Variants in SRGAP3 observed in about 807,000 individuals in gnomAD.
SRGAP3 encodes SLIT-ROBO Rho GTPase activating protein 3.
SRGAP3 carries 39 observed loss-of-function variants against 121.1 expected under a neutral mutation model. That is an observed-to-expected ratio of 0.32 (90% CI 0.25 to 0.42). SRGAP3 has a LOEUF of 0.42. SRGAP3 is among the 10% of genes least tolerant of loss of function. The probability of loss-of-function intolerance (pLI) is 1.00; values close to 1 mark genes in which losing one functional copy is unlikely to be tolerated. For missense variants in SRGAP3, 1,213 were observed against 1,470.6 expected, an observed-to-expected ratio of 0.82 and a Z score of 2.86; for synonymous variants, 601 against 570.0, an observed-to-expected ratio of 1.05 and a Z score of -0.77.
chr3:9,096,449 T>C (rs574659101), intron 3 of SRGAP3, among the ~76,000 whole-genome samples: 1 of 152,318 alleles, frequency 6.6e-6, no homozygotes, highest in East Asian at 1.9e-4. Context: ...TGTATATTAA[T>C]CTTTAAGCAG....
chr3:8,992,581 A>G (rs1942121061), intron 20 of SRGAP3: 1 of 457,756 alleles, frequency 2.2e-6, no homozygotes, highest in Non-Finnish European at 4.0e-6. Context: ...GAAAGCTGGA[A>G]GGAGGTGCAG....
intron 3 of SRGAP3, among the ~76,000 whole-genome samples, chr3:9,101,749 A>G (rs1948224300): frequency 6.6e-6 from 1 of 152,120 alleles, no homozygotes; most frequent in South Asian, 2.1e-4. Context: ...TCTCTTAAAG[A>G]GGGGCAAGCT....
At chr3:9,242,846 G>T (rs1194206682) in intron 1 of SRGAP3, among the ~76,000 whole-genome samples, 1 of 151,974 alleles carries the variant, frequency 6.6e-6, no homozygotes, top group African/African-American at 2.4e-5. Flanking sequence ...CACCACACCT[G>T]GCTAATTTTT....
chr3:9,168,433 G>A (rs1037425229), intron 1 of SRGAP3, among the ~76,000 whole-genome samples: 7 of 152,206 alleles, frequency 4.6e-5, no homozygotes, highest in Admixed American at 2.0e-4. Context: ...TCTAGTGCAC[G>A]TGTGCCCTCC....
chr3:9,236,432 C>T (rs1403375192), intron 1 of SRGAP3, among the ~76,000 whole-genome samples: 2 of 133,344 alleles, frequency 1.5e-5, no homozygotes, highest in Non-Finnish European at 3.5e-5. Flanking sequence ...ATTGTAATCC[C>T]CAGTGTTGGA....
intron 5 of SRGAP3, among the ~76,000 whole-genome samples, chr3:9,062,505 C>T (rs1281324266): frequency 6.6e-6 from 1 of 152,182 alleles, no homozygotes; most frequent in East Asian, 1.9e-4. Context: ...GAAAGAAATG[C>T]TGCACCCATT....
At chr3:9,322,252 T>C (rs1406839588) in intron 3 of SRGAP3, among the ~76,000 whole-genome samples, 1 of 151,402 alleles carries the variant, frequency 6.6e-6, no homozygotes, top group African/African-American at 2.4e-5. Context: ...GTGGTGGGAG[T>C]TGTGGCCGAA....
At chr3:9,048,889 C>A (rs1945418363) in intron 9 of SRGAP3, among the ~76,000 whole-genome samples, 1 of 152,112 alleles carries the variant, frequency 6.6e-6, no homozygotes, top group South Asian at 2.1e-4. Context: ...GACCTCACTG[C>A]AAAGTGGACA....
chr3:9,313,602 G>A (rs1380369000), intron 3 of SRGAP3, among the ~76,000 whole-genome samples: 1 of 152,008 alleles, frequency 6.6e-6, no homozygotes, highest in Non-Finnish European at 1.5e-5. Context: ...GCTTGAACCT[G>A]GGAGGCAGAG....
intron 1 of SRGAP3, among the ~76,000 whole-genome samples, chr3:9,133,144 C>T (rs566901780): frequency 6.6e-6 from 1 of 151,746 alleles, no homozygotes; most frequent in East Asian, 1.9e-4. Context: ...CATGTTAGAG[C>T]ATATCATTCA....
chr3:9,126,083 C>CA (rs1294644373), intron 1 of SRGAP3, among the ~76,000 whole-genome samples: 1 of 152,192 alleles, frequency 6.6e-6, no homozygotes, highest in Admixed American at 6.5e-5. Flanking sequence ...CTGGGGTACA[C>CA]AAAGACACCC....
chr3:9,125,170 T>C (rs1451022559), intron 1 of SRGAP3, among the ~76,000 whole-genome samples: 1 of 152,224 alleles, frequency 6.6e-6, no homozygotes, highest in Non-Finnish European at 1.5e-5. Flanking sequence ...ACCACCACGA[T>C]TTTTGCCATA....
chr3:9,358,739 A>C (rs1441276582), intron 1 of SRGAP3, among the ~76,000 whole-genome samples: 2 of 152,196 alleles, frequency 1.3e-5, no homozygotes, highest in East Asian at 1.9e-4. Flanking sequence ...TTTGGGTTCA[A>C]TTGATTTGCT....
chr3:8,985,771 G>A lies in SRGAP3; in HGVS notation c.3048C>T (p.Ile1016=), dbSNP rs1397793950. 6.2e-7 allele frequency: 1 copy of A among 1,600,146 alleles called. No individual in the cohort carries two copies. Among genetic ancestry groups the A allele is most frequent in the African/African-American group, 1.3e-5 (1 of 75,002 alleles). The change falls in exon 22 of 22, where the codon ATC becomes ATT. Residue 1016 remains isoleucine (I), a synonymous_variant. Transcript: ENST00000383836. This position sits in a 1 kb window ranked among gnomAD's most constrained non-coding sequence, Gnocchi z 5.1. ...TGGCGGCATCGGGGTCGCGGATGAC[G>A]ATGGTGTGAAGGGGACTGGCGGGCT... ...SSEPASPLHT[I]VIRDPDAAMR...
chr3:9,142,787 C>G (rs995853218), intron 1 of SRGAP3, among the ~76,000 whole-genome samples: 2 of 148,382 alleles, frequency 1.3e-5, no homozygotes, highest in Non-Finnish European at 3.0e-5. Flanking sequence ...CATTCCAGGA[C>G]TAAGAGCCTA....
Position 9,096,937 on chromosome 3 carries a change from G to GTGTA in SRGAP3, c.423+7742_423+7743insTACA, listed in dbSNP as rs1186683940. Among the ~76,000 whole-genome samples, 13 of 61,320 alleles carry GTGTA rather than the reference G, an allele frequency of 2.1e-4. No individual in the cohort carries two copies. The East Asian group carries it at 2.7e-3, about 13-fold the overall frequency. The allele number at this position is 61,320 out of a possible 152,430, so 40.2% of individuals were successfully genotyped here. On this transcript the variant is annotated intron_variant, in intron 3 of 21. Coordinates refer to ENST00000383836, the MANE Select transcript of SRGAP3 (RefSeq NM_014850.4). ...AATTATATATTTTTTACATTATTTT[G>GTGTA]TATATATATATATATATATATATAT...
At chr3:9,110,696 C>G (rs1328765104) in intron 2 of SRGAP3, among the ~76,000 whole-genome samples, 1 of 152,268 alleles carries the variant, frequency 6.6e-6, no homozygotes, top group Non-Finnish European at 1.5e-5. Context: ...TCTGCACCCC[C>G]ACCTTCTCCC....
intron 1 of SRGAP3, among the ~76,000 whole-genome samples, chr3:9,242,210 T>A (rs1159453302): frequency 6.6e-6 from 1 of 151,744 alleles, no homozygotes; most frequent in African/African-American, 2.4e-5. Context: ...AAGCAGGCCG[T>A]CACCAGGAAC....
intron 3 of SRGAP3, among the ~76,000 whole-genome samples, chr3:9,270,416 T>A (rs1029294732): frequency 6.6e-6 from 1 of 151,470 alleles, no homozygotes; most frequent in Non-Finnish European, 1.5e-5. Flanking sequence ...CCTATGGGGG[T>A]GGAGATTGAC....
Sources: gnomAD v4.1 joint callset for allele counts (sites outside exome capture counted in the v4.1 genomes callset) on GRCh38, gnomAD v4.1.1 for gene constraint, Gnocchi (gnomAD v3.1) non-coding constraint, MANE v1.5 for transcripts, NCBI Gene and HGNC (gene_info 2026-07-23, HGNC 2026-07-21) for gene names.